PTCHD1: variants seen among roughly 807,000 people sequenced by gnomAD.
PTCHD1 encodes the protein patched domain-containing protein 1.
A neutral mutation model predicts 34.6 loss-of-function variants in PTCHD1; 3 were observed. The observed-to-expected ratio is 0.09, with a 90% CI of 0.04 to 0.22. PTCHD1 has a LOEUF of 0.22. PTCHD1 is among the 10% of genes least tolerant of loss of function. The probability of loss-of-function intolerance (pLI) is 1.00; values close to 1 mark genes in which losing one functional copy is unlikely to be tolerated. For synonymous variants in PTCHD1, 305 were observed against 283.1 expected (o/e 1.08, Z -0.77); for missense variants, 504 against 685.5 (o/e 0.74, Z 2.96).
intron 1 of PTCHD1, among the ~76,000 whole-genome samples, chrX:23,364,899 C>T (rs1044268726): frequency 8.9e-6 from 1 of 112,515 alleles, no homozygotes; most frequent in African/African-American, 3.2e-5. Flanking sequence ...AAAAGCCAAA[C>T]AAATGCCTGC....
chrX:23,366,837 T>C (rs1356507700), intron 1 of PTCHD1, among the ~76,000 whole-genome samples: 1 of 110,664 alleles, frequency 9.0e-6, no homozygotes, highest in Non-Finnish European at 1.9e-5. Flanking sequence ...AATGAATGAA[T>C]AAGATCCTCC....
chrX:23,336,729 G>A (rs902095274), intron 1 of PTCHD1, among the ~76,000 whole-genome samples: 3 of 111,289 alleles, frequency 2.7e-5, no homozygotes, highest in Non-Finnish European at 5.7e-5. Flanking sequence ...CTCATGATTA[G>A]ACTTCCAGCA....
chrX:23,395,309 C>T lies in PTCHD1; in HGVS notation c.*1124C>T, dbSNP rs1922960395. The T allele has an allele frequency of 8.9e-6, 1 of 112,432 alleles. No homozygotes were observed. The highest frequency in any genetic ancestry group is 1.9e-5 in the Non-Finnish European group (1 of 53,321). The allele number at this position is 112,432 out of a possible 1,213,427, so 9.3% of individuals were successfully genotyped here. On this transcript the variant is annotated 3_prime_UTR_variant, in exon 3 of 3. Transcript: ENST00000379361. ...CAGTCTGCCTTTGCTGTGAAACACA[C>T]CTGCTCAGAGACAGAGAGGGGAAGA... is the stretch of plus-strand genomic sequence containing the variant.
intron 1 of PTCHD1, among the ~76,000 whole-genome samples, chrX:23,347,415 T>C (rs763156239): frequency 1.3e-4 from 15 of 112,085 alleles, no homozygotes; most frequent in African/African-American, 4.9e-4. Flanking sequence ...GAGAAGTATG[T>C]GGGAAAATCC....
chrX:23,371,714 A>G (rs1922283243), intron 1 of PTCHD1, among the ~76,000 whole-genome samples: 1 of 111,343 alleles, frequency 9.0e-6, no homozygotes, highest in Non-Finnish European at 1.9e-5. Context: ...CCCTCCCACA[A>G]AAGCACAAGA....
intron 1 of PTCHD1, among the ~76,000 whole-genome samples, chrX:23,363,014 C>G (rs921722762): frequency 9.8e-5 from 11 of 111,890 alleles, no homozygotes; most frequent in Admixed American, 4.7e-4. Context: ...GATCCTTCCT[C>G]TGGAAGCTTC....
In PTCHD1 at chrX:23,403,111, G is replaced by A. The variant is rs2146660659; in HGVS notation, c.*8926G>A. 1 of 112,368 alleles carries A rather than the reference G, an allele frequency of 8.9e-6. No homozygotes were observed. Among genetic ancestry groups the A allele is most frequent in the South Asian group, 3.7e-4 (1 of 2,714 alleles). The allele number at this position is 112,368 out of a possible 1,213,427, so 9.3% of individuals were successfully genotyped here. A position where few individuals can be genotyped will look rare whatever the true frequency, so the allele number is the denominator to read the frequency against. On this transcript the variant is annotated 3_prime_UTR_variant, in exon 3 of 3. Coordinates refer to ENST00000379361, the MANE Select transcript of PTCHD1 (RefSeq NM_173495.3). ...TGCATATTACATTGTAAAGTTTTGG[G>A]CTAAATCACAATACATTTTTAAGTT...
rs564351920 is a variant in PTCHD1 at position 23,351,697 on chromosome X, G to A, written c.351+16471G>A. On this transcript the variant is annotated intron_variant, in intron 1 of 2. Coordinates refer to ENST00000379361, the MANE Select transcript of PTCHD1 (RefSeq NM_173495.3). The stretch of plus-strand genomic sequence containing the variant: ...TTTATTGTTGACTTAACTGGGTGCC[G>A]CTGCTCAGAGTTGAAGGAAATGAAG... Among the ~76,000 whole-genome samples, 3 of 112,335 alleles carry A rather than the reference G, an allele frequency of 2.7e-5. No individual in the cohort carries two copies. The South Asian group carries it at 1.1e-3, about 41-fold the overall frequency.
chrX:23,374,627 A>T (rs1922364874), intron 1 of PTCHD1, among the ~76,000 whole-genome samples: 1 of 109,654 alleles, frequency 9.1e-6, no homozygotes, highest in Non-Finnish European at 1.9e-5. Flanking sequence ...TTTCCAGTAA[A>T]CCTATATTCT....
intron 1 of PTCHD1, among the ~76,000 whole-genome samples, chrX:23,340,982 T>C (rs1403763155): frequency 8.9e-6 from 1 of 112,581 alleles, no homozygotes; most frequent in Non-Finnish European, 1.9e-5. Flanking sequence ...GTAGGTAGTG[T>C]ATCCGAATAA....
intron 1 of PTCHD1, among the ~76,000 whole-genome samples, chrX:23,357,822 C>A (rs1480160291): frequency 9.0e-6 from 1 of 111,242 alleles, no homozygotes; most frequent in Non-Finnish European, 1.9e-5. Flanking sequence ...CCTCCCACCC[C>A]ACGACAGGCC....
At chrX:23,391,492 A>C (rs777372659) in intron 2 of PTCHD1, among the ~76,000 whole-genome samples, 4 of 110,064 alleles carry the variant, frequency 3.6e-5, no homozygotes, top group Non-Finnish European at 5.7e-5. Flanking sequence ...AAACTTCTTC[A>C]CTCCTACTTA....
At chrX:23,384,200 G>A (rs925865546) in intron 2 of PTCHD1, among the ~76,000 whole-genome samples, 2 of 112,489 alleles carry the variant, frequency 1.8e-5, no homozygotes, top group African/African-American at 6.4e-5. Flanking sequence ...CGTAGTGAAA[G>A]AGTTCGGATA....
At position 23,351,690 on chromosome X, in the gene PTCHD1, G is replaced by C. The variant is rs569734059; in HGVS notation, c.351+16464G>C. Among the ~76,000 whole-genome samples the C allele has an allele frequency of 1.4e-3, 152 of 112,440 alleles. 2 individuals carry two copies. The highest frequency in any genetic ancestry group is 0.012 in the Admixed American group (127 of 10,639). The stretch of plus-strand genomic sequence containing the variant: ...TTGACTTTTTATTGTTGACTTAACT[G>C]GGTGCCGCTGCTCAGAGTTGAAGGA... On this transcript the variant is annotated intron_variant, in intron 1 of 2. Coordinates refer to ENST00000379361, the MANE Select transcript of PTCHD1 (RefSeq NM_173495.3).
chrX:23,335,202 G>GCAT lies in PTCHD1; in HGVS notation c.330_332dup (p.His111dup). ...TCCAGAAAGCCAACATGCTGGACCA[G>GCAT]CATCACACCGACCTGATCTTAAAGG... is the stretch of plus-strand genomic sequence containing the variant. On this transcript the variant is annotated inframe_insertion, in exon 1 of 3. Coordinates refer to ENST00000379361, the MANE Select transcript of PTCHD1 (RefSeq NM_173495.3). The GCAT allele has an allele frequency of 8.3e-7, 1 of 1,209,814 alleles. No homozygotes were observed. The highest frequency in any genetic ancestry group is 1.1e-6 in the Non-Finnish European group (1 of 893,332).
intron 2 of PTCHD1, among the ~76,000 whole-genome samples, chrX:23,383,195 A>T (rs1482130848): frequency 8.9e-6 from 1 of 112,476 alleles, no homozygotes; most frequent in Non-Finnish European, 1.9e-5. Context: ...ATTTAAGCAA[A>T]ACTTGATTTA....
At chrX:23,371,374 G>A (rs1271434182) in intron 1 of PTCHD1, among the ~76,000 whole-genome samples, 4 of 111,548 alleles carry the variant, frequency 3.6e-5, no homozygotes, top group Non-Finnish European at 5.6e-5. Context: ...CGGCTATGGA[G>A]GCATTGTCAA....
intron 1 of PTCHD1, among the ~76,000 whole-genome samples, chrX:23,352,111 A>C (rs186027461): frequency 8.9e-6 from 1 of 112,098 alleles, no homozygotes; most frequent in African/African-American, 3.2e-5. Flanking sequence ...AAAAAGAGAG[A>C]GAGCCATGGG....
chrX:23,347,169 A>T (rs1182945623), intron 1 of PTCHD1, among the ~76,000 whole-genome samples: 4 of 111,733 alleles, frequency 3.6e-5, no homozygotes, highest in African/African-American at 1.3e-4. Flanking sequence ...GGGGTCAGGG[A>T]TTCAAAGAAA....
Sources: gnomAD v4.1 joint callset for allele counts (sites outside exome capture counted in the v4.1 genomes callset) on GRCh38, gnomAD v4.1.1 for gene constraint, MANE v1.5 for transcripts, NCBI Gene and HGNC (gene_info 2026-07-23, HGNC 2026-07-21) for gene names.